The following SSBP3 variants were observed in gnomAD, a reference collection of about 807,000 sequenced individuals.
SSBP3 encodes single-stranded DNA-binding protein 3.
A neutral mutation model predicts 69.6 loss-of-function variants in SSBP3; 5 were observed. The observed-to-expected ratio is 0.07, with a 90% CI of 0.04 to 0.15. The LOEUF (loss-of-function observed/expected upper bound fraction) is 0.15, where lower values mean the gene tolerates loss of function less well. Ranked by LOEUF, SSBP3 falls within the 10% of genes least tolerant of loss-of-function variation. SSBP3 has a pLI of 1.00. For synonymous variants in SSBP3, 196 were observed against 193.4 expected (o/e 1.01, Z -0.11); for missense variants, 312 against 534.0 (o/e 0.58, Z 4.10).
At chr1:54,368,800 T>A (rs1461800655) in intron 4 of SSBP3, among the ~76,000 whole-genome samples, 1 of 152,190 alleles carries the variant, frequency 6.6e-6, no homozygotes, top group Non-Finnish European at 1.5e-5. Context: ...GCACCCTGGA[T>A]ATGGCAGGGA....
chr1:54,227,310 A>T, intron 17 of SSBP3, 150 bp from the exon 18 acceptor site: 1 of 677,348 alleles, frequency 1.5e-6, no homozygotes, highest in Non-Finnish European at 2.7e-6. Context: ...GGTGGCATGG[A>T]GTGGGCAGGG....
chr1:54,247,104 G>A (rs1403344153), intron 9 of SSBP3, among the ~76,000 whole-genome samples: 1 of 152,228 alleles, frequency 6.6e-6, no homozygotes, highest in Middle Eastern at 3.2e-3. Flanking sequence ...TTTGCACTCC[G>A]CCAGGTCCAC....
intron 4 of SSBP3, among the ~76,000 whole-genome samples, chr1:54,375,168 G>A (rs1166954381): frequency 1.3e-5 from 2 of 152,222 alleles, no homozygotes; most frequent in Non-Finnish European, 2.9e-5. Flanking sequence ...CCCGTGGTCA[G>A]AGCCTGGAGG....
intron 4 of SSBP3, among the ~76,000 whole-genome samples, chr1:54,344,988 G>A (rs947542549): frequency 2.0e-5 from 3 of 152,188 alleles, no homozygotes; most frequent in African/African-American, 4.8e-5. Context: ...CTGAGGAGAC[G>A]TATAATTCAG....
chr1:54,241,324 T>A (rs1644633979), intron 12 of SSBP3, 150 bp downstream of exon 12: 3 of 947,246 alleles, frequency 3.2e-6, no homozygotes, highest in Non-Finnish European at 5.1e-6. Context: ...TCTGTACAGA[T>A]GACTGAATAT....
At chr1:54,388,141 T>C (rs1246621454) in intron 4 of SSBP3, among the ~76,000 whole-genome samples, 1 of 152,162 alleles carries the variant, frequency 6.6e-6, no homozygotes, top group Non-Finnish European at 1.5e-5. Flanking sequence ...ACATTTTTTT[T>C]TAAGACACAC....
intron 7 of SSBP3, among the ~76,000 whole-genome samples, chr1:54,252,527 TGGCCACTAGGAGA>T (rs1557462952): frequency 4.5e-4 from 12 of 26,412 alleles, no homozygotes; most frequent in Admixed American, 9.0e-4. Flanking sequence ...GCGGGACAGG[TGGCCACTAGGAGA>T]GGGACAGGTG....
chr1:54,239,794 C>A (rs1036489069), intron 13 of SSBP3, among the ~76,000 whole-genome samples: 1 of 152,314 alleles, frequency 6.6e-6, no homozygotes, highest in East Asian at 1.9e-4. Context: ...GCCAGCTCCA[C>A]CCCTGCAGCT....
At chr1:54,385,199 T>C (rs1647987507) in intron 4 of SSBP3, among the ~76,000 whole-genome samples, 1 of 152,082 alleles carries the variant, frequency 6.6e-6, no homozygotes, top group Admixed American at 6.6e-5. Flanking sequence ...AAGAGAAAGA[T>C]CGTTTGGGGA....
intron 4 of SSBP3, among the ~76,000 whole-genome samples, chr1:54,341,200 T>G (rs1285008649): frequency 6.6e-6 from 1 of 152,180 alleles, no homozygotes; most frequent in African/African-American, 2.4e-5. Flanking sequence ...GGCAAAGTGC[T>G]TTCTGTTCTC....
At chr1:54,380,263 C>A (rs1347906398) in intron 4 of SSBP3, among the ~76,000 whole-genome samples, 1 of 152,184 alleles carries the variant, frequency 6.6e-6, no homozygotes, top group Admixed American at 6.5e-5. Context: ...CTAAGTCACA[C>A]ACCCCCTCCT....
At chr1:54,368,720 G>A (rs1647070273) in intron 4 of SSBP3, among the ~76,000 whole-genome samples, 2 of 152,158 alleles carry the variant, frequency 1.3e-5, no homozygotes, top group Non-Finnish European at 2.9e-5. Flanking sequence ...CAAAGAGCTG[G>A]CTATAGACCC....
chr1:54,362,675 G>T (rs1232746959), intron 4 of SSBP3, among the ~76,000 whole-genome samples: 1 of 152,218 alleles, frequency 6.6e-6, no homozygotes, highest in African/African-American at 2.4e-5. Flanking sequence ...TCTGAAAATA[G>T]CAGGCCCCCA....
chr1:54,243,156 C>T, intron 10 of SSBP3, 79 bp downstream of exon 10: 1 of 1,328,434 alleles, frequency 7.5e-7, no homozygotes. Context: ...GACCCCTTAT[C>T]ATGAGTCTCC....
chr1:54,322,985 T>C (rs1036215104), intron 4 of SSBP3, among the ~76,000 whole-genome samples: 1 of 152,182 alleles, frequency 6.6e-6, no homozygotes, highest in Non-Finnish European at 1.5e-5. Context: ...ATGGGTTTCG[T>C]TCACTGAACT....
At chr1:54,348,908 C>A (rs1335906558) in intron 4 of SSBP3, among the ~76,000 whole-genome samples, 1 of 152,182 alleles carries the variant, frequency 6.6e-6, no homozygotes, top group East Asian at 1.9e-4. Flanking sequence ...CAAAATTAGG[C>A]CGGTAAAGCC....
chr1:54,240,520 A>G (rs1372581244), intron 13 of SSBP3, among the ~76,000 whole-genome samples: 7 of 150,388 alleles, frequency 4.7e-5, no homozygotes, highest in Admixed American at 3.3e-4. Context: ...AGAGGACCAG[A>G]AGCCAGGAGC....
intron 4 of SSBP3, chr1:54,285,583 C>T (rs1006690790): frequency 3.9e-5 from 6 of 152,108 alleles, no homozygotes; most frequent in African/African-American, 9.7e-5. Context: ...ATGATTACTA[C>T]GTGTATAATT....
chr1:54,392,027 C>T (rs886946216), intron 4 of SSBP3, among the ~76,000 whole-genome samples: 3 of 152,174 alleles, frequency 2.0e-5, no homozygotes, highest in African/African-American at 7.2e-5. Context: ...AGGCCCTCTC[C>T]TCCCGCGCCC....
Sources: allele counts gnomAD v4.1 joint callset (sites outside exome capture counted in the v4.1 genomes callset), GRCh38; gene constraint gnomAD v4.1.1; transcripts MANE v1.5; gene names NCBI Gene and HGNC (gene_info 2026-07-23, HGNC 2026-07-21).